The following CCDC80 variants were observed in gnomAD, a reference collection of about 807,000 sequenced individuals.
CCDC80 encodes the protein coiled-coil domain containing 80.
Under a neutral mutation model 78.7 loss-of-function variants are expected in CCDC80, and 49 were observed. The observed-to-expected ratio is 0.62, with a 90% CI of 0.50 to 0.79. The LOEUF (loss-of-function observed/expected upper bound fraction) is 0.79. Ranked by LOEUF, CCDC80 falls within the 30% of genes least tolerant of loss-of-function variation. The pLI, the probability that CCDC80 is intolerant of heterozygous loss-of-function variation, is 0.00. For synonymous variants in CCDC80, 488 were observed against 447.0 expected (o/e 1.09, Z -1.16); for missense variants, 1,205 against 1,198.6 (o/e 1.01, Z -0.08).
chr3:112,622,546 G>A (rs1363154613), intron 3 of CCDC80, among the ~76,000 whole-genome samples: 2 of 152,152 alleles, frequency 1.3e-5, no homozygotes, highest in African/African-American at 4.8e-5. Context: ...GTCTGGAAAA[G>A]CAACATAGAC....
chr3:112,622,023 AGAG>A (rs1935878926), intron 3 of CCDC80, among the ~76,000 whole-genome samples: 1 of 152,264 alleles, frequency 6.6e-6, no homozygotes, highest in East Asian at 1.9e-4. Context: ...ACAGACCCTG[AGAG>A]GAGGAGTGAC....
rs1935309733 is a variant in CCDC80, at chr3:112,597,906, G to A, written c.*7511C>T. 1.3e-5 allele frequency: 2 copies of A among 152,158 alleles called. No individual in the cohort carries two copies. The allele number at this position is 152,158 out of a possible 1,614,324, so 9.4% of individuals were successfully genotyped here. The stretch of plus-strand genomic sequence containing the variant: ...CTCTACTAGTCTGAGCCTCTGTACA[G>A]AGAAATGTCAGTTTTGTATTCCTGG... On this transcript the variant is annotated 3_prime_UTR_variant, in exon 8 of 8. Coordinates refer to ENST00000206423, the MANE Select transcript of CCDC80 (RefSeq NM_199511.3).
At chr3:112,617,107 G>T (rs1455212446) in intron 4 of CCDC80, among the ~76,000 whole-genome samples, 1 of 152,118 alleles carries the variant, frequency 6.6e-6, no homozygotes, top group Non-Finnish European at 1.5e-5. Flanking sequence ...ATTGGAAAGG[G>T]TCCATGCCTT....
chr3:112,639,050 C>T lies in CCDC80; in HGVS notation c.856G>A (p.Val286Ile), dbSNP rs1936279665. 2 of 1,612,192 alleles carry T rather than the reference C, an allele frequency of 1.2e-6. No homozygotes were observed. The highest frequency in any genetic ancestry group is 1.3e-5 in the African/African-American group (1 of 74,918). Reference protein sequence around the residue: ...GFVQKCKASGVEGQVVAEGND... With the variant: ...GFVQKCKASGIEGQVVAEGND... ...CCCTCCGCCACCACCTGGCCCTCTA[C>T]ACCAGAGGCCTTACATTTCTGGACA... is the stretch of plus-strand genomic sequence containing the variant. Residue 286 changes from valine to isoleucine, a missense_variant, in exon 2 of 8, where the codon GTA becomes ATA. Val to Ile is a conservative substitution (Grantham distance 29, BLOSUM62 3). Coordinates refer to ENST00000206423, the MANE Select transcript of CCDC80 (RefSeq NM_199511.3).
intron 3 of CCDC80, among the ~76,000 whole-genome samples, chr3:112,628,704 CT>C (rs1477078052): frequency 6.6e-6 from 1 of 152,034 alleles, no homozygotes; most frequent in Non-Finnish European, 1.5e-5. Flanking sequence ...AAGAAAATTC[CT>C]TTTTTGCTTG....
intron 5 of CCDC80, 69 bp downstream of exon 5, chr3:112,616,641 T>C (rs967807926): frequency 8.3e-6 from 13 of 1,561,640 alleles, no homozygotes; most frequent in Non-Finnish European, 1.1e-5. Context: ...TGTGTTTCTT[T>C]GGCATTTTCA....
chr3:112,610,969 A>G (rs141045903), intron 5 of CCDC80, among the ~76,000 whole-genome samples: 2,187 of 140,708 alleles, frequency 0.016, 50 homozygotes, highest in African/African-American at 0.055. Context: ...GCTGGAGTAC[A>G]GTGGCATGAA....
intron 5 of CCDC80, among the ~76,000 whole-genome samples, chr3:112,616,013 A>G (rs934637290): frequency 3.3e-5 from 5 of 152,100 alleles, no homozygotes; most frequent in African/African-American, 7.2e-5. Flanking sequence ...TGCACTGCAG[A>G]TTTGTCCTGA....
chr3:112,622,868 G>A (rs1400206569), intron 3 of CCDC80, among the ~76,000 whole-genome samples: 1 of 147,944 alleles, frequency 6.8e-6, no homozygotes, highest in Non-Finnish European at 1.5e-5. Context: ...TAGAGACGGG[G>A]TTTCACCATG....
Position 112,638,916 on chromosome 3 carries a change from G to A in CCDC80, c.990C>T (p.Val330=), listed in dbSNP as rs1465977282. The change falls in exon 2 of 8, where the codon GTC becomes GTT. Residue 330 remains valine, a synonymous_variant. Transcript: ENST00000206423. ...GTGCAGTGGCGGCCAGTTTTCTCAG[G>A]ACCTTCACCCGACTCTCTCTGGTTG... ...VPPTRESRVK[V]LRKLAATAPA... 8 of 1,613,358 alleles carry A rather than the reference G, an allele frequency of 5.0e-6. No homozygotes were observed. Among genetic ancestry groups the A allele is most frequent in the Non-Finnish European group, 6.8e-6 (8 of 1,179,992 alleles).
At position 112,603,366 on chromosome 3, in the gene CCDC80, T is replaced by C. The variant is rs1196203370; in HGVS notation, c.*2051A>G. 1 of 151,142 alleles carries C rather than the reference T, an allele frequency of 6.6e-6. No individual in the cohort carries two copies. The highest frequency in any genetic ancestry group is 2.4e-5 in the African/African-American group (1 of 41,096). 9.4% of individuals were successfully genotyped at this position (151,142 alleles called of 1,614,324 possible). A position where few individuals can be genotyped will look rare whatever the true frequency, so the allele number is the denominator to read the frequency against. The stretch of plus-strand genomic sequence containing the variant: ...CCCATCTCTACTAAAAATACAAAAA[T>C]AAGCTGGGTGTAGTGGTGGGCGCCT... On this transcript the variant is annotated 3_prime_UTR_variant, in exon 8 of 8. Coordinates refer to ENST00000206423, the MANE Select transcript of CCDC80 (RefSeq NM_199511.3).
chr3:112,613,711 A>G (rs895371831), intron 5 of CCDC80, among the ~76,000 whole-genome samples: 1 of 152,168 alleles, frequency 6.6e-6, no homozygotes, highest in Non-Finnish European at 1.5e-5. Flanking sequence ...TTTAAGTAAC[A>G]TCAATGAACT....
intron 5 of CCDC80, among the ~76,000 whole-genome samples, chr3:112,616,032 T>C (rs989128461): frequency 8.5e-5 from 13 of 152,220 alleles, no homozygotes; most frequent in African/African-American, 3.1e-4. Flanking sequence ...GAATTCTTTC[T>C]TGCGCGAGAT....
chr3:112,634,871 C>G (rs552882330), intron 2 of CCDC80, among the ~76,000 whole-genome samples: 1 of 152,246 alleles, frequency 6.6e-6, no homozygotes, highest in African/African-American at 2.4e-5. Context: ...CCGACTTCAC[C>G]ACATATTAGC....
chr3:112,623,348 C>T (rs1331579340), intron 3 of CCDC80, among the ~76,000 whole-genome samples: 2 of 152,202 alleles, frequency 1.3e-5, no homozygotes, highest in African/African-American at 4.8e-5. Context: ...CTTAAAGCTT[C>T]CATCTGTAAC....
rs768693138 is a variant in CCDC80 at position 112,639,252 on chromosome 3, G to A, written c.654C>T (p.Leu218=). The A allele has an allele frequency of 5.0e-6, 8 of 1,614,188 alleles. No individual in the cohort carries two copies. The East Asian group carries it at 1.8e-4, about 36-fold the overall frequency. The stretch of plus-strand genomic sequence containing the variant: ...TCAGGAAGCTCATCAGCTTAGGGAT[G>A]AGGCTAGGGTCCAGGGGCTGCTCCA... ...QILEQPLDPS[L]IPKLMSFLKL... Residue 218 remains leucine, a synonymous_variant, in exon 2 of 8, where the codon CTC becomes CTT. Coordinates refer to ENST00000206423, the MANE Select transcript of CCDC80 (RefSeq NM_199511.3).
rs958169301 is a variant in CCDC80 at position 112,638,298 on chromosome 3, C to T, written c.1608G>A (p.Glu536=). 1.2e-6 allele frequency: 2 copies of T among 1,613,834 alleles called. No individual in the cohort carries two copies. Among genetic ancestry groups the T allele is most frequent in the African/African-American group, 1.3e-5 (1 of 74,828 alleles). Residue 536 remains glutamate, a synonymous_variant, in exon 2 of 8, where the codon GAG becomes GAA. Transcript: ENST00000206423. ...TCTCAAGCTTTTCATGCTTTTTAGA[C>T]TCCTTTGCTTTTTTAAGGGGAACAT... is the stretch of plus-strand genomic sequence containing the variant. ...VGNVPLKKAK[E]SKKHEKLEKP... is the part of the protein sequence containing the mutation.
At chr3:112,625,457 T>C (rs919896048) in intron 3 of CCDC80, among the ~76,000 whole-genome samples, 1 of 152,234 alleles carries the variant, frequency 6.6e-6, no homozygotes, top group Non-Finnish European at 1.5e-5. Flanking sequence ...CTTGTTCATA[T>C]ATAGCTCTAT....
intron 5 of CCDC80, among the ~76,000 whole-genome samples, chr3:112,611,385 A>T (rs913438639): frequency 2.0e-5 from 3 of 152,194 alleles, no homozygotes; most frequent in Non-Finnish European, 2.9e-5. Flanking sequence ...AGACGTTGAC[A>T]TTATCCATCA....
Sources: allele counts gnomAD v4.1 joint callset (sites outside exome capture counted in the v4.1 genomes callset), GRCh38; gene constraint gnomAD v4.1.1; transcripts MANE v1.5; gene names NCBI Gene and HGNC (gene_info 2026-07-23, HGNC 2026-07-21).